The following TXNRD1 variants were observed in gnomAD, a reference collection of about 807,000 sequenced individuals.
TXNRD1 encodes the protein thioredoxin reductase 1.
TXNRD1 carries 57 observed loss-of-function variants against 80.3 expected under a neutral mutation model. That is an observed-to-expected ratio of 0.71 (90% CI 0.57 to 0.89). TXNRD1 has a LOEUF of 0.89. TXNRD1 is among the 40% of genes least tolerant of loss of function. The pLI is 0.00. For synonymous variants in TXNRD1, 291 were observed against 285.2 expected (o/e 1.02, Z -0.20); for missense variants, 730 against 803.0 (o/e 0.91, Z 1.10).
intron 3 of TXNRD1, among the ~76,000 whole-genome samples, chr12:104,263,358 C>T (rs1276339235): frequency 6.6e-6 from 1 of 152,168 alleles, no homozygotes; most frequent in African/African-American, 2.4e-5. Flanking sequence ...GTAGAACCTT[C>T]CATGACTTGC....
Position 104,319,035 on chromosome 12 carries a change from A to T in TXNRD1, c.853A>T (p.Ile285Phe). The T allele has an allele frequency of 1.9e-6, 3 of 1,613,620 alleles. No individual in the cohort carries two copies. The highest frequency in any genetic ancestry group is 2.5e-6 in the Non-Finnish European group (3 of 1,179,792). Residue 285 changes from isoleucine to phenylalanine, a missense_variant, in exon 8 of 17, where the codon ATT becomes TTT. Coordinates refer to ENST00000525566, the MANE Select transcript of TXNRD1 (RefSeq NM_001093771.3). ...CTATGAGAATGCTTATGGGCAATTT[A>T]TTGGTCCTCACAGGATTAAGGTAAT... ...VVYENAYGQF[I>F]GPHRIKATNN...
intron 3 of TXNRD1, among the ~76,000 whole-genome samples, chr12:104,263,119 T>C (rs1398741302): frequency 1.3e-5 from 2 of 152,246 alleles, no homozygotes; most frequent in Non-Finnish European, 2.9e-5. Context: ...ATTCATGTCC[T>C]GTGTGTAGGT....
At chr12:104,288,409 G>C (rs2034049456) in intron 3 of TXNRD1, among the ~76,000 whole-genome samples, 1 of 152,148 alleles carries the variant, frequency 6.6e-6, no homozygotes, top group Admixed American at 6.5e-5. Context: ...TATTGCTTCA[G>C]GATTCTTTTT....
intron 2 of TXNRD1, among the ~76,000 whole-genome samples, chr12:104,253,347 T>A (rs2033172171): frequency 6.6e-6 from 1 of 152,150 alleles, no homozygotes; most frequent in Non-Finnish European, 1.5e-5. Flanking sequence ...ATGCCTTTCA[T>A]GTAGGACATC....
chr12:104,323,435 G>T, intron 10 of TXNRD1, among the ~76,000 whole-genome samples: 2 of 138,114 alleles, frequency 1.4e-5, no homozygotes, highest in African/African-American at 2.7e-5. Context: ...CGGACGGGGC[G>T]GCTGGCCGGG....
intron 3 of TXNRD1, chr12:104,287,077 A>AG (rs2033992874): frequency 7.0e-7 from 1 of 1,427,296 alleles, no homozygotes; most frequent in Admixed American, 2.9e-5. Flanking sequence ...GTCCTGAAGG[A>AG]GGGCCTGATG....
chr12:104,240,535 G>C (rs1237250812), intron 1 of TXNRD1, among the ~76,000 whole-genome samples: 1 of 152,182 alleles, frequency 6.6e-6, no homozygotes, highest in African/African-American at 2.4e-5. Context: ...GTGAAATTGT[G>C]AGAGTTATTG....
At chr12:104,248,227 ATGTG>A (rs57932359) in intron 1 of TXNRD1, among the ~76,000 whole-genome samples, 7,319 of 152,172 alleles carry the variant, frequency 0.048, 462 homozygotes, top group African/African-American at 0.15. Flanking sequence ...ATATGCATAT[ATGTG>A]TGTGAACATA....
chr12:104,220,726 CAA>C (rs1213272755), intron 1 of TXNRD1, among the ~76,000 whole-genome samples: 1 of 25,614 alleles, frequency 3.9e-5, no homozygotes, highest in African/African-American at 1.9e-4. Context: ...ACTCCGTCTC[CAA>C]AAAAAAAAAA....
intron 3 of TXNRD1, chr12:104,287,046 A>T (rs1773347087): frequency 1.2e-5 from 17 of 1,400,138 alleles, no homozygotes; most frequent in Non-Finnish European, 1.5e-5. Context: ...CGGCATTTGC[A>T]GCAGAGCGAA....
chr12:104,312,997 A>C (rs1168141063), intron 5 of TXNRD1, among the ~76,000 whole-genome samples: 1 of 152,192 alleles, frequency 6.6e-6, no homozygotes, highest in Non-Finnish European at 1.5e-5. Flanking sequence ...TAAGGTTTCC[A>C]GCTGATTCTA....
intron 1 of TXNRD1, among the ~76,000 whole-genome samples, chr12:104,231,726 G>A (rs1361279645): frequency 6.6e-6 from 1 of 152,114 alleles, no homozygotes; most frequent in Non-Finnish European, 1.5e-5. Context: ...GAAACCTCTG[G>A]GTTATGGGCA....
chr12:104,333,369 A>T (rs2036027163), intron 14 of TXNRD1, among the ~76,000 whole-genome samples: 1 of 152,150 alleles, frequency 6.6e-6, no homozygotes, highest in African/African-American at 2.4e-5. Context: ...GTTTGAGTTG[A>T]AGAAACTTTG....
At chr12:104,303,940 G>C in intron 4 of TXNRD1, 1 of 1,595,078 alleles carries the variant, frequency 6.3e-7, no homozygotes, top group Non-Finnish European at 8.5e-7. Context: ...CGCTGATGAA[G>C]ATGGATGTGT....
chr12:104,240,225 A>C (rs905068256), intron 1 of TXNRD1, among the ~76,000 whole-genome samples: 3 of 152,232 alleles, frequency 2.0e-5, no homozygotes, highest in Admixed American at 1.3e-4. Flanking sequence ...TGTGAGAAAC[A>C]GAAAATGTTA....
chr12:104,335,492 G>A (rs1233961475), intron 15 of TXNRD1, among the ~76,000 whole-genome samples: 3 of 152,214 alleles, frequency 2.0e-5, no homozygotes, highest in Middle Eastern at 3.4e-3. Flanking sequence ...GAGCCACCGC[G>A]CCCGGCCTAT....
chr12:104,304,849 A>T, intron 4 of TXNRD1: 2 of 1,613,946 alleles, frequency 1.2e-6, no homozygotes, highest in Non-Finnish European at 1.7e-6. Context: ...GGAAACAGGG[A>T]GTTATATCTT....
At chr12:104,273,460 G>T (rs2033696908) in intron 3 of TXNRD1, among the ~76,000 whole-genome samples, 1 of 152,024 alleles carries the variant, frequency 6.6e-6, no homozygotes, top group Non-Finnish European at 1.5e-5. Context: ...AGGCATGGTG[G>T]TGCGCGCCTA....
At chr12:104,217,281 T>C (rs546568205) in intron 1 of TXNRD1, among the ~76,000 whole-genome samples, 34 of 147,774 alleles carry the variant, frequency 2.3e-4, no homozygotes, top group Non-Finnish European at 4.3e-4. Context: ...TTTTTGTGTG[T>C]GGTTAAAAAA....
Sources: allele counts gnomAD v4.1 joint callset (sites outside exome capture counted in the v4.1 genomes callset), GRCh38; gene constraint gnomAD v4.1.1; transcripts MANE v1.5; gene names NCBI Gene and HGNC (gene_info 2026-07-23, HGNC 2026-07-21).